The following R3HCC1L variants were observed in gnomAD, a reference collection of about 807,000 sequenced individuals.
R3HCC1L encodes the protein R3H domain and coiled-coil containing 1 like, also known as coiled-coil domain-containing protein R3HCC1L.
Under a neutral mutation model 59.9 loss-of-function variants are expected in R3HCC1L, and 51 were observed. The ratio of observed to expected loss-of-function variants is 0.85; its 90% confidence interval spans 0.68 to 1.07. The LOEUF (loss-of-function observed/expected upper bound fraction) is 1.07, where lower values mean the gene tolerates loss of function less well. R3HCC1L is among the 50% of genes least tolerant of loss of function. The probability of loss-of-function intolerance (pLI) is 0.00; values close to 1 mark genes in which losing one functional copy is unlikely to be tolerated. For missense variants in R3HCC1L, 965 were observed against 933.0 expected, an observed-to-expected ratio of 1.03 and a Z score of -0.45; for synonymous variants, 322 against 315.2, an observed-to-expected ratio of 1.02 and a Z score of -0.23.
At chr10:98,143,316 C>T (rs1845351562) in intron 1 of R3HCC1L, among the ~76,000 whole-genome samples, 3 of 152,200 alleles carry the variant, frequency 2.0e-5, no homozygotes, top group African/African-American at 4.8e-5. Flanking sequence ...TCACACGTAA[C>T]TGTTTCAAAC....
At position 98,238,318 on chromosome 10, in the gene R3HCC1L, A is replaced by G. The variant is rs370054654; in HGVS notation, c.2269+2154A>G. 3.3e-5 allele frequency among the ~76,000 whole-genome samples: 5 copies of G among 152,314 alleles called. No homozygotes were observed. The South Asian group carries it at 1.0e-3, about 32-fold the overall frequency. Reference sequence around the variant, plus strand: ...TGTGTTCCCTGTTTAGGAGAATTAGAAAGATGGCAAGATTTTGTTCCTCTC... The same window carrying G: ...TGTGTTCCCTGTTTAGGAGAATTAGGAAGATGGCAAGATTTTGTTCCTCTC... On this transcript the variant is annotated intron_variant, in intron 9 of 9. Transcript: ENST00000298999.
chr10:98,160,721 C>T (rs1010729739), intron 2 of R3HCC1L, among the ~76,000 whole-genome samples: 2 of 152,040 alleles, frequency 1.3e-5, no homozygotes, highest in African/African-American at 4.8e-5. Flanking sequence ...AACATGTTTC[C>T]AAAAGTCAGA....
intron 5 of R3HCC1L, among the ~76,000 whole-genome samples, chr10:98,220,886 A>G (rs1375201949): frequency 1.4e-5 from 2 of 145,356 alleles, no homozygotes; most frequent in African/African-American, 5.1e-5. Context: ...TCCTTTGGGT[A>G]TATACCCAGT....
chr10:98,152,575 A>C (rs1210872236), intron 1 of R3HCC1L, among the ~76,000 whole-genome samples: 2 of 84,290 alleles, frequency 2.4e-5, no homozygotes, highest in African/African-American at 8.1e-5. Context: ...CATCCCGTCT[A>C]GGAAGTGAGG....
At chr10:98,189,640 C>G (rs1459894773) in intron 4 of R3HCC1L, among the ~76,000 whole-genome samples, 1 of 151,850 alleles carries the variant, frequency 6.6e-6, no homozygotes, top group African/African-American at 2.4e-5. Flanking sequence ...AAATGAATCT[C>G]CAAGCAGATA....
chr10:98,193,193 T>C (rs1270256680), intron 4 of R3HCC1L, among the ~76,000 whole-genome samples: 2 of 152,068 alleles, frequency 1.3e-5, no homozygotes, highest in Non-Finnish European at 2.9e-5. Context: ...AAATGAAGTT[T>C]TTCCTCTAAG....
intron 5 of R3HCC1L, among the ~76,000 whole-genome samples, chr10:98,213,911 C>G (rs1853872556): frequency 6.6e-6 from 1 of 152,094 alleles, no homozygotes. Context: ...GCTGTATATT[C>G]TAATGCAGTC....
intron 4 of R3HCC1L, 96 bp downstream of exon 4, chr10:98,163,493 A>G (rs756297889): frequency 1.7e-4 from 134 of 785,340 alleles, no homozygotes; most frequent in Admixed American, 4.0e-4. Context: ...TTATCATTTT[A>G]TTTTGTAACT....
chr10:98,169,375 A>G (rs1239894481), intron 4 of R3HCC1L, among the ~76,000 whole-genome samples: 1 of 152,234 alleles, frequency 6.6e-6, no homozygotes, highest in Non-Finnish European at 1.5e-5. Flanking sequence ...GATTTCTCCT[A>G]TATAAAATTG....
At chr10:98,158,471 A>G (rs1018562457) in intron 2 of R3HCC1L, among the ~76,000 whole-genome samples, 2 of 152,200 alleles carry the variant, frequency 1.3e-5, no homozygotes, top group African/African-American at 4.8e-5. Flanking sequence ...CAGAGAGTTC[A>G]CCCAAATACC....
chr10:98,146,003 A>G (rs184132750), intron 1 of R3HCC1L, among the ~76,000 whole-genome samples: 196 of 152,344 alleles, frequency 1.3e-3, no homozygotes, highest in Non-Finnish European at 2.1e-3. Flanking sequence ...CTTGTCCCCA[A>G]AAGAATATGA....
At chr10:98,179,367 A>T (rs542338426) in intron 4 of R3HCC1L, among the ~76,000 whole-genome samples, 1 of 152,022 alleles carries the variant, frequency 6.6e-6, no homozygotes, top group South Asian at 2.1e-4. Context: ...GATTACATTT[A>T]TTGATTTATG....
At chr10:98,182,987 G>A (rs1849803023) in intron 4 of R3HCC1L, among the ~76,000 whole-genome samples, 1 of 152,202 alleles carries the variant, frequency 6.6e-6, no homozygotes, top group African/African-American at 2.4e-5. Context: ...CTGACCGCTT[G>A]CGCTTCCTGG....
At chr10:98,140,881 T>C (rs1300386625) in intron 1 of R3HCC1L, among the ~76,000 whole-genome samples, 3 of 152,166 alleles carry the variant, frequency 2.0e-5, no homozygotes, top group Non-Finnish European at 2.9e-5. Context: ...AAGATTAATA[T>C]TAATTTTTTC....
chr10:98,232,447 G>A (rs956358536), intron 6 of R3HCC1L, among the ~76,000 whole-genome samples: 1 of 152,124 alleles, frequency 6.6e-6, no homozygotes, highest in Non-Finnish European at 1.5e-5. Flanking sequence ...GTGTATAGCT[G>A]ATACTTATAT....
chr10:98,243,656 C>T (rs1017113339), intron 9 of R3HCC1L, among the ~76,000 whole-genome samples: 20 of 152,224 alleles, frequency 1.3e-4, no homozygotes, highest in African/African-American at 4.8e-4. Flanking sequence ...CCAGGGGCTA[C>T]CATTTCCATT....
intron 1 of R3HCC1L, among the ~76,000 whole-genome samples, chr10:98,149,397 G>T (rs1311767749): frequency 1.3e-5 from 2 of 151,716 alleles, no homozygotes; most frequent in South Asian, 4.2e-4. Context: ...TACTAATTTT[G>T]GGCTAGGTTT....
chr10:98,151,791 G>A (rs1386105342), intron 1 of R3HCC1L, among the ~76,000 whole-genome samples: 1 of 152,128 alleles, frequency 6.6e-6, no homozygotes, highest in Admixed American at 6.5e-5. Flanking sequence ...GGAAAACAAG[G>A]CACATATGTT....
Position 98,136,847 on chromosome 10 carries a change from A to G in R3HCC1L, c.-268+2141A>G, listed in dbSNP as rs149180947. On this transcript the variant is annotated intron_variant, in intron 1 of 9. Coordinates refer to ENST00000298999, the MANE Select transcript of R3HCC1L (RefSeq NM_001351015.2). Reference sequence around the variant, plus strand: ...TTGAGACTCTGTTGGGCATAACACTAAGTTTGGATTGAATTTTTACTAAGA... The same window carrying G: ...TTGAGACTCTGTTGGGCATAACACTGAGTTTGGATTGAATTTTTACTAAGA... 6.7e-3 allele frequency among the ~76,000 whole-genome samples: 1,026 copies of G among 152,294 alleles called. 9 individuals carry two copies. The highest frequency in any genetic ancestry group is 0.011 in the Non-Finnish European group (726 of 68,022).
Sources: allele counts gnomAD v4.1 joint callset (sites outside exome capture counted in the v4.1 genomes callset), GRCh38; gene constraint gnomAD v4.1.1; transcripts MANE v1.5; gene names NCBI Gene and HGNC (gene_info 2026-07-23, HGNC 2026-07-21).